Variants in ARHGAP8 observed in about 807,000 individuals in gnomAD.
ARHGAP8 encodes the protein Rho GTPase activating protein 8.
ARHGAP8 carries 62 observed loss-of-function variants against 46.1 expected under a neutral mutation model. The observed-to-expected ratio is 1.34, with a 90% CI of 1.10 to 1.66. The LOEUF (loss-of-function observed/expected upper bound fraction) is 1.66. Among genes scored for constraint, ARHGAP8 ranks in the 40% most tolerant of loss-of-function variants. The pLI is 0.00. For missense variants in ARHGAP8, 923 were observed against 568.4 expected, an observed-to-expected ratio of 1.62 and a Z score of -6.34; for synonymous variants, 375 against 243.1, an observed-to-expected ratio of 1.54 and a Z score of -5.05.
At chr22:44,848,355 A>T (rs1301826525) in intron 9 of ARHGAP8, among the ~76,000 whole-genome samples, 3 of 78,480 alleles carry the variant, frequency 3.8e-5, no homozygotes, top group Non-Finnish European at 7.1e-5. Flanking sequence ...CAGTGCAGGG[A>T]AGCTGGTTTT....
intron 7 of ARHGAP8, among the ~76,000 whole-genome samples, chr22:44,827,795 G>A (rs1388095024): frequency 1.3e-5 from 2 of 152,170 alleles, no homozygotes; most frequent in Admixed American, 1.3e-4. Context: ...TGCTTCCAGG[G>A]TGCTTGAGCC....
rs960828187 is a variant in ARHGAP8 at position 44,862,681 on chromosome 22, TAACC to T, written c.*88_*91del. ...TTTGTAAACTTGGCATCTGTAAAAA[TAACC>T]AGCCATTAGATGAATTCAGAACCTT... On this transcript the variant is annotated 3_prime_UTR_variant, in exon 12 of 12. Coordinates refer to ENST00000356099, the MANE Select transcript of ARHGAP8 (RefSeq NM_181335.3). 9.7e-6 allele frequency: 14 copies of T among 1,440,614 alleles called. No individual in the cohort carries two copies. In the African/African-American group the frequency reaches 1.6e-4, roughly 16 times the overall value. The allele number at this position is 1,440,614 out of a possible 1,614,324, so 89.2% of individuals were successfully genotyped here. A position where few individuals can be genotyped will look rare whatever the true frequency, so the allele number is the denominator to read the frequency against.
chr22:44,842,899 G>T (rs1428831392), intron 7 of ARHGAP8, among the ~76,000 whole-genome samples: 1 of 152,238 alleles, frequency 6.6e-6, no homozygotes, highest in Non-Finnish European at 1.5e-5. Context: ...TTTGACCCCA[G>T]GTGGGCCTGT....
intron 3 of ARHGAP8, among the ~76,000 whole-genome samples, chr22:44,803,248 G>A (rs765944397): frequency 8.5e-5 from 13 of 152,160 alleles, no homozygotes; most frequent in African/African-American, 1.9e-4. Context: ...ACCCAGGTGC[G>A]CATGGGCTCC....
chr22:44,842,590 G>A (rs1182102792), intron 7 of ARHGAP8, among the ~76,000 whole-genome samples: 2 of 152,144 alleles, frequency 1.3e-5, no homozygotes, highest in Non-Finnish European at 2.9e-5. Flanking sequence ...GGTGGCGAGA[G>A]GAAAGTCCCT....
At chr22:44,787,735 T>C (rs939196708) in intron 2 of ARHGAP8, among the ~76,000 whole-genome samples, 1 of 152,094 alleles carries the variant, frequency 6.6e-6, no homozygotes, top group African/African-American at 2.4e-5. Flanking sequence ...CTGAGCTCCA[T>C]AATCATTAGC....
chr22:44,771,881 C>T (rs1204457452), intron 1 of ARHGAP8, among the ~76,000 whole-genome samples: 2 of 152,084 alleles, frequency 1.3e-5, no homozygotes, highest in Non-Finnish European at 2.9e-5. Flanking sequence ...TTGCTCTTTC[C>T]AATCTTTATG....
rs8138059 is a variant in ARHGAP8, at chr22:44,862,695, A to G, written c.*100A>G. The G allele has an allele frequency of 6.1e-4, 843 of 1,380,194 alleles. 3 individuals are homozygous for G. In the African/African-American group the frequency reaches 0.011, roughly 18 times the overall value. The allele number at this position is 1,380,194 out of a possible 1,614,324, so 85.5% of individuals were successfully genotyped here. A position where few individuals can be genotyped will look rare whatever the true frequency, so the allele number is the denominator to read the frequency against. On this transcript the variant is annotated 3_prime_UTR_variant, in exon 12 of 12. Coordinates refer to ENST00000356099, the MANE Select transcript of ARHGAP8 (RefSeq NM_181335.3). ...ATCTGTAAAAATAACCAGCCATTAGATGAATTCAGAACCTTCTAATGAAAA... is the reference window on the plus strand; with the variant it reads ...ATCTGTAAAAATAACCAGCCATTAGGTGAATTCAGAACCTTCTAATGAAAA...
intron 11 of ARHGAP8, among the ~76,000 whole-genome samples, chr22:44,861,827 C>T (rs181815611): frequency 1.5e-4 from 23 of 152,262 alleles, no homozygotes; most frequent in East Asian, 1.2e-3. Context: ...GGAGCCCCTT[C>T]TAGCAGGCAA....
intron 2 of ARHGAP8, among the ~76,000 whole-genome samples, chr22:44,797,766 G>A (rs9941911): frequency 2.0e-4 from 31 of 152,266 alleles, no homozygotes; most frequent in African/African-American, 6.5e-4. Context: ...GTGTGTGTGC[G>A]CTCATGCCAG....
intron 2 of ARHGAP8, among the ~76,000 whole-genome samples, chr22:44,797,235 T>TA (rs869286997): frequency 6.6e-6 from 1 of 150,898 alleles, no homozygotes; most frequent in Non-Finnish European, 1.5e-5. Flanking sequence ...TTTTTTTTTT[T>TA]AATCCTGATG....
chr22:44,756,856 T>A (rs1441701413), intron 1 of ARHGAP8, among the ~76,000 whole-genome samples: 2 of 152,096 alleles, frequency 1.3e-5, no homozygotes, highest in Non-Finnish European at 2.9e-5. Flanking sequence ...CAAGCTTGAA[T>A]CCATCCCTCA....
chr22:44,833,297 C>T (rs1009322793), intron 7 of ARHGAP8, among the ~76,000 whole-genome samples: 6 of 152,000 alleles, frequency 3.9e-5, no homozygotes, highest in Admixed American at 3.9e-4. Flanking sequence ...CAGGGTCTCA[C>T]TATGTTGCCC....
chr22:44,849,411 GCT>G (rs66632742), intron 10 of ARHGAP8: 63,576 of 296,552 alleles, frequency 0.21, 8,447 homozygotes, highest in Admixed American at 0.27. Context: ...CAGACCCTCA[GCT>G]CTCTCATCTA....
chr22:44,813,158 A>G (rs1333454264), intron 4 of ARHGAP8, among the ~76,000 whole-genome samples: 1 of 152,078 alleles, frequency 6.6e-6, no homozygotes, highest in African/African-American at 2.4e-5. Flanking sequence ...GATCTGGACA[A>G]GCGGAGTGCT....
chr22:44,778,482 A>C (rs1476006951), intron 1 of ARHGAP8, among the ~76,000 whole-genome samples: 1 of 152,218 alleles, frequency 6.6e-6, no homozygotes, highest in Non-Finnish European at 1.5e-5. Flanking sequence ...GTGCTGCTAT[A>C]AACATGGGTG....
At chr22:44,796,489 C>T (rs1011300699) in intron 2 of ARHGAP8, among the ~76,000 whole-genome samples, 2 of 151,868 alleles carry the variant, frequency 1.3e-5, no homozygotes, top group African/African-American at 4.8e-5. Flanking sequence ...GGGTGGGGGG[C>T]TCTAAGACCT....
chr22:44,829,290 CAAAAAAGAAAAAA>C (rs1272550715), intron 7 of ARHGAP8, among the ~76,000 whole-genome samples: 7 of 131,588 alleles, frequency 5.3e-5, no homozygotes, highest in African/African-American at 1.8e-4. Flanking sequence ...GACTCCCTCT[CAAAAAAGAAAAAA>C]AAAAAAGAAA....
At position 44,802,106 on chromosome 22, in the gene ARHGAP8, A is replaced by G. The variant is rs1261451380; in HGVS notation, c.109A>G (p.Thr37Ala). 3.1e-6 allele frequency: 5 copies of G among 1,614,126 alleles called. No homozygotes were observed. The Admixed American group carries it at 8.3e-5, about 27-fold the overall frequency. Residue 37 changes from threonine (T) to alanine (A), a missense_variant, in exon 3 of 12, where the codon ACG (threonine) becomes GCG (alanine). Thr to Ala is a moderately conservative substitution (Grantham distance 58, BLOSUM62 0). Transcript: ENST00000356099. ...TGACCGCTTTGGAAGACGTGTTGTC[A>G]CGTTCAGCTGCTGCCGGATGCCACC... ...GDDRFGRRVVTFSCCRMPPSH... is the reference protein window; with the variant it reads ...GDDRFGRRVVAFSCCRMPPSH...
Sources: allele counts gnomAD v4.1 joint callset (sites outside exome capture counted in the v4.1 genomes callset), GRCh38; gene constraint gnomAD v4.1.1; transcripts MANE v1.5; gene names NCBI Gene and HGNC (gene_info 2026-07-23, HGNC 2026-07-21).